GPC5: variants seen among roughly 807,000 people sequenced by gnomAD.
GPC5 encodes glypican 5, also known as glypican-5.
Under a neutral mutation model 53.9 loss-of-function variants are expected in GPC5, and 47 were observed. That is an observed-to-expected ratio of 0.87 (90% CI 0.69 to 1.11). The LOEUF is 1.11. Among genes scored for constraint, GPC5 ranks in the 50% most tolerant of loss-of-function variants. The pLI is 0.00. For synonymous variants in GPC5, 286 were observed against 263.3 expected, an observed-to-expected ratio of 1.09 and a Z score of -0.84; for missense variants, 748 against 713.1, an observed-to-expected ratio of 1.05 and a Z score of -0.56.
intron 7 of GPC5, among the ~76,000 whole-genome samples, chr13:92,492,563 AG>A (rs1879808444): frequency 1.3e-5 from 2 of 152,276 alleles, no homozygotes; most frequent in Admixed American, 1.3e-4. Context: ...AAACAAAAAA[AG>A]TAACACATTA....
At chr13:92,238,639 C>A (rs1024185834) in intron 7 of GPC5, among the ~76,000 whole-genome samples, 3 of 151,814 alleles carry the variant, frequency 2.0e-5, no homozygotes, top group Non-Finnish European at 4.4e-5. Context: ...TACTTTCTCC[C>A]TTTCTCTGGG....
intron 2 of GPC5, among the ~76,000 whole-genome samples, chr13:91,688,568 A>C (rs1057442106): frequency 2.0e-5 from 3 of 152,180 alleles, no homozygotes; most frequent in African/African-American, 7.2e-5. Context: ...ACTTAAATCA[A>C]ATCTATTTTG....
At chr13:91,645,140 GGAGGCTACATCTAGAA>G (rs1399377702) in intron 2 of GPC5, among the ~76,000 whole-genome samples, 1 of 152,170 alleles carries the variant, frequency 6.6e-6, no homozygotes, top group African/African-American at 2.4e-5. Flanking sequence ...AAATTGAGTG[GGAGGCTACATCTAGAA>G]GAAGCTCTTT....
intron 7 of GPC5, among the ~76,000 whole-genome samples, chr13:92,524,512 A>C (rs554654944): frequency 6.6e-6 from 1 of 152,236 alleles, no homozygotes; most frequent in East Asian, 1.9e-4. Flanking sequence ...TGGATACAAA[A>C]GGCCAACTGC....
At chr13:91,736,437 C>A (rs1209049534) in intron 4 of GPC5, among the ~76,000 whole-genome samples, 1 of 150,944 alleles carries the variant, frequency 6.6e-6, no homozygotes, top group Non-Finnish European at 1.5e-5. Context: ...TTTCCACAAT[C>A]TTTTTTTTGC....
At chr13:92,366,176 CAT>C (rs2043606193) in intron 7 of GPC5, among the ~76,000 whole-genome samples, 1 of 151,604 alleles carries the variant, frequency 6.6e-6, no homozygotes, top group Non-Finnish European at 1.5e-5. Context: ...TGGCCACTGT[CAT>C]ATAGGTGGTC....
At chr13:91,447,677 A>C (rs1379973574) in intron 1 of GPC5, among the ~76,000 whole-genome samples, 4 of 152,122 alleles carry the variant, frequency 2.6e-5, no homozygotes, top group African/African-American at 9.7e-5. Flanking sequence ...TGTTATGTGC[A>C]TGCGTCTTGT....
chr13:91,459,531 G>A (rs1881793855), intron 2 of GPC5, among the ~76,000 whole-genome samples: 1 of 119,432 alleles, frequency 8.4e-6, no homozygotes, highest in South Asian at 3.7e-4. Flanking sequence ...CATCAGTGAT[G>A]TAGGTGCCTG....
At chr13:91,612,793 G>C (rs2033593601) in intron 2 of GPC5, among the ~76,000 whole-genome samples, 1 of 152,114 alleles carries the variant, frequency 6.6e-6, no homozygotes, top group Non-Finnish European at 1.5e-5. Context: ...AATATTTTAA[G>C]TGAATATAAA....
chr13:92,254,489 T>C (rs558787165), intron 7 of GPC5, among the ~76,000 whole-genome samples: 4 of 152,250 alleles, frequency 2.6e-5, no homozygotes, highest in African/African-American at 7.2e-5. Context: ...AAAGGAATTG[T>C]TGATTTTTAT....
At chr13:92,184,840 T>C (rs948747174) in intron 7 of GPC5, among the ~76,000 whole-genome samples, 5 of 152,124 alleles carry the variant, frequency 3.3e-5, no homozygotes, top group African/African-American at 1.2e-4. Context: ...ACTGCATACA[T>C]AATTAAGGTA....
At chr13:91,586,563 TAGAG>T (rs3055914) in intron 2 of GPC5, among the ~76,000 whole-genome samples, 514 of 41,946 alleles carry the variant, frequency 0.012, 23 homozygotes, top group African/African-American at 0.023. Flanking sequence ...TATATATATG[TAGAG>T]AGAGAGAGAG....
intron 7 of GPC5, among the ~76,000 whole-genome samples, chr13:92,658,140 G>C (rs1175370559): frequency 6.6e-6 from 1 of 152,036 alleles, no homozygotes; most frequent in Non-Finnish European, 1.5e-5. Context: ...TTAGTCACTA[G>C]ACTGGAGAAT....
chr13:92,768,079 G>T (rs920051002), intron 7 of GPC5, among the ~76,000 whole-genome samples: 1 of 152,120 alleles, frequency 6.6e-6, no homozygotes, highest in African/African-American at 2.4e-5. Context: ...CCAGATAAAT[G>T]AATGTTAACA....
intron 2 of GPC5, among the ~76,000 whole-genome samples, chr13:91,471,052 C>T (rs768998369): frequency 6.6e-6 from 1 of 151,996 alleles, no homozygotes; most frequent in Non-Finnish European, 1.5e-5. Context: ...AAACAAGAAC[C>T]GATGGAGTAT....
chr13:92,390,012 A>T (rs1283609053), intron 7 of GPC5, among the ~76,000 whole-genome samples: 2 of 152,270 alleles, frequency 1.3e-5, no homozygotes, highest in African/African-American at 4.8e-5. Context: ...TAGGAACCAA[A>T]TTATAATCTT....
chr13:91,608,617 G>A (rs2033448637), intron 2 of GPC5, among the ~76,000 whole-genome samples: 1 of 152,158 alleles, frequency 6.6e-6, no homozygotes, highest in Non-Finnish European at 1.5e-5. Context: ...ATTTCAGAGG[G>A]AGCTGAAATT....
At chr13:91,470,456 G>C (rs773998764) in intron 2 of GPC5, among the ~76,000 whole-genome samples, 1 of 152,162 alleles carries the variant, frequency 6.6e-6, no homozygotes, top group African/African-American at 2.4e-5. Flanking sequence ...AGTGGGAAGC[G>C]AGATGGAAAG....
At chr13:92,495,756 G>A (rs1344753856) in intron 7 of GPC5, among the ~76,000 whole-genome samples, 1 of 151,454 alleles carries the variant, frequency 6.6e-6, no homozygotes, top group Non-Finnish European at 1.5e-5. Flanking sequence ...TACCCTCACT[G>A]AAATTATAAC....
Sources: gnomAD v4.1 joint callset for allele counts (sites outside exome capture counted in the v4.1 genomes callset) on GRCh38, gnomAD v4.1.1 for gene constraint, MANE v1.5 for transcripts, NCBI Gene and HGNC (gene_info 2026-07-23, HGNC 2026-07-21) for gene names.